The following MAJIN variants were observed in gnomAD, a reference collection of about 807,000 sequenced individuals.
The protein encoded by MAJIN is membrane-anchored junction protein.
Under a neutral mutation model 30.2 loss-of-function variants are expected in MAJIN, and 27 were observed. That is an observed-to-expected ratio of 0.89 (90% confidence interval 0.66 to 1.23). The LOEUF (loss-of-function observed/expected upper bound fraction) is 1.23, where lower values mean the gene tolerates loss of function less well. MAJIN is among the 50% of genes most tolerant of loss of function. MAJIN has a pLI of 0.00. For synonymous variants in MAJIN, 78 were observed against 91.6 expected (o/e 0.85, Z 0.85); for missense variants, 253 against 260.3 (o/e 0.97, Z 0.19).
intron 4 of MAJIN, among the ~76,000 whole-genome samples, chr11:64,952,968 G>A (rs1590698371): frequency 6.6e-6 from 1 of 152,182 alleles, no homozygotes; most frequent in Non-Finnish European, 1.5e-5. Flanking sequence ...GCCTCCCAAA[G>A]TGCTGGGATT....
chr11:64,947,764 T>A, intron 7 of MAJIN, 24 bp downstream of exon 7: 1 of 1,611,176 alleles, frequency 6.2e-7, no homozygotes, highest in Non-Finnish European at 8.5e-7. Flanking sequence ...CAATTTTCAT[T>A]TTGTACAGAA....
At chr11:64,940,211 C>T (rs1213571384) in intron 9 of MAJIN, among the ~76,000 whole-genome samples, 1 of 152,204 alleles carries the variant, frequency 6.6e-6, no homozygotes, top group Admixed American at 6.5e-5. Context: ...ACTCTAATGC[C>T]TCAAAGGGAA....
intron 1 of MAJIN, among the ~76,000 whole-genome samples, chr11:64,961,950 A>C (rs1450328225): frequency 6.6e-6 from 1 of 151,878 alleles, no homozygotes; most frequent in East Asian, 1.9e-4. Flanking sequence ...CACCATGCCC[A>C]GCTAATTTTT....
chr11:64,952,430 C>T (rs1945567832), intron 4 of MAJIN, among the ~76,000 whole-genome samples: 1 of 151,776 alleles, frequency 6.6e-6, no homozygotes, highest in Admixed American at 6.6e-5. Context: ...TCAGGTGATC[C>T]ACCCGCCTTG....
chr11:64,940,247 A>G (rs1205279107), intron 9 of MAJIN, among the ~76,000 whole-genome samples: 1 of 152,196 alleles, frequency 6.6e-6, no homozygotes, highest in Non-Finnish European at 1.5e-5. Flanking sequence ...CAGTACAGAA[A>G]AGGGAAACAC....
At chr11:64,941,447 G>A (rs1266648652) in intron 8 of MAJIN, among the ~76,000 whole-genome samples, 5 of 152,148 alleles carry the variant, frequency 3.3e-5, no homozygotes, top group Non-Finnish European at 7.4e-5. Context: ...TCCGAGGTCA[G>A]CAGTTCGAGA....
At chr11:64,947,511 C>A (rs779073153) in intron 7 of MAJIN, 46 bp from the exon 8 acceptor site, 3 of 1,568,636 alleles carry the variant, frequency 1.9e-6, no homozygotes, top group Non-Finnish European at 2.6e-6. Flanking sequence ...TCCAGAGTTG[C>A]TCACAGTTCA....
intron 8 of MAJIN, among the ~76,000 whole-genome samples, chr11:64,941,839 T>C (rs1467272773): frequency 6.6e-6 from 1 of 152,034 alleles, no homozygotes; most frequent in Non-Finnish European, 1.5e-5. Flanking sequence ...GGTGAGGAGA[T>C]GGTCAGTCAC....
At chr11:64,952,887 T>C (rs779208866) in intron 4 of MAJIN, among the ~76,000 whole-genome samples, 1 of 151,970 alleles carries the variant, frequency 6.6e-6, no homozygotes, top group Non-Finnish European at 1.5e-5. Flanking sequence ...GTATTTTTAG[T>C]AGAGACGGGG....
intron 3 of MAJIN, among the ~76,000 whole-genome samples, chr11:64,956,023 C>T (rs572512183): frequency 3.3e-5 from 5 of 152,000 alleles, no homozygotes; most frequent in Admixed American, 1.3e-4. Flanking sequence ...AAAAAAGGCC[C>T]GGTGCGGTGG....
chr11:64,971,295 C>CA (rs1945898645), intron 1 of MAJIN, among the ~76,000 whole-genome samples: 1 of 151,836 alleles, frequency 6.6e-6, no homozygotes, highest in African/African-American at 2.4e-5. Context: ...GGAGTGGCGG[C>CA]GCATGCCTGT....
intron 9 of MAJIN, among the ~76,000 whole-genome samples, chr11:64,940,123 G>C (rs1945352053): frequency 6.6e-6 from 1 of 152,192 alleles, no homozygotes; most frequent in South Asian, 2.1e-4. Flanking sequence ...CTGGGTAAAA[G>C]ATCAGCAAGT....
chr11:64,949,758 C>A lies in MAJIN; in HGVS notation c.334G>T (p.Glu112Ter). 1.2e-6 allele frequency: 2 copies of A among 1,613,074 alleles called. No homozygotes were observed. Among genetic ancestry groups the A allele is most frequent in the Non-Finnish European group, 1.7e-6 (2 of 1,179,988 alleles). ...TTCCACTTACCAGGTGACAGGTTTT[C>A]ATGGAACCATTTCATCTCCACATAT... ...TLYVEMKWFH[E>*]NLSPGKPISD... Residue 112 changes from glutamate to a stop codon, truncating the protein, a stop_gained, in exon 6 of 11, where the codon GAA becomes TAA. Transcript: ENST00000301896. LOFTEE classifies it high-confidence loss of function.
At chr11:64,947,232 T>C in intron 8 of MAJIN, 142 bp downstream of exon 8, 1 of 555,024 alleles carries the variant, frequency 1.8e-6, no homozygotes. Flanking sequence ...TCCCTTTCCT[T>C]AGTCCACCCA....
At chr11:64,954,951 A>G (rs1247166193) in intron 3 of MAJIN, 149 bp from the exon 4 acceptor site, 1 of 700,124 alleles carries the variant, frequency 1.4e-6, no homozygotes, top group South Asian at 2.0e-5. Context: ...CTCATGGGGA[A>G]GAAGTGATCA....
chr11:64,939,993 T>C lies in MAJIN; in HGVS notation c.547-226A>G, dbSNP rs963709283. 1.9e-5 allele frequency: 8 copies of C among 423,040 alleles called. No homozygotes were observed. The South Asian group carries it at 2.4e-4, about 13-fold the overall frequency. The allele number at this position is 423,040 out of a possible 1,614,324, so 26.2% of individuals were successfully genotyped here. ...CAAGCTCCTGGGATATTTACACAGC[T>C]CAAGTTCCAGCCATGCACTCTGGCT... is the stretch of plus-strand genomic sequence containing the variant. On this transcript the variant is annotated intron_variant, in intron 9 of 10. Coordinates refer to ENST00000301896, the MANE Select transcript of MAJIN (RefSeq NM_001037225.3).
intron 1 of MAJIN, among the ~76,000 whole-genome samples, chr11:64,961,989 G>A (rs1246495818): frequency 6.6e-6 from 1 of 151,946 alleles, no homozygotes; most frequent in African/African-American, 2.4e-5. Context: ...GTCTCACTAT[G>A]TTGCCCAGGC....
At position 64,968,559 on chromosome 11, in the gene MAJIN, G is replaced by A. The variant is rs531791298; in HGVS notation, c.-65+3318C>T. ...TTACAAGCATGAGCCATCAGGCCAG[G>A]CATGGTGGCTCACGCCTGTAATCCC... is the stretch of plus-strand genomic sequence containing the variant. On this transcript the variant is annotated intron_variant, in intron 1 of 10. Coordinates refer to ENST00000301896, the MANE Select transcript of MAJIN (RefSeq NM_001037225.3). Among the ~76,000 whole-genome samples the A allele has an allele frequency of 1.3e-4, 20 of 151,900 alleles. No homozygotes were observed. The South Asian group carries it at 3.7e-3, about 28-fold the overall frequency.
chr11:64,939,745 C>A lies in MAJIN; in HGVS notation c.569G>T (p.Cys190Phe). Residue 190 changes from cysteine to phenylalanine, a missense_variant, in exon 10 of 11, where the codon TGC becomes TTC. Transcript: ENST00000301896. Reference protein sequence around the residue: ...RNKILSGDTACQGELSHPCST... With the variant: ...RNKILSGDTAFQGELSHPCST... ...GCAGGGGTGGGACAATTCGCCCTGG[C>A]AGGCTGTGTCCCCACTCAGAATCTG... 6.2e-7 allele frequency: 1 copy of A among 1,613,918 alleles called. No individual in the cohort carries two copies. The highest frequency in any genetic ancestry group is 8.5e-7 in the Non-Finnish European group (1 of 1,179,888).
Sources: gnomAD v4.1 joint callset for allele counts (sites outside exome capture counted in the v4.1 genomes callset) on GRCh38, gnomAD v4.1.1 for gene constraint, MANE v1.5 for transcripts, NCBI Gene and HGNC (gene_info 2026-07-23, HGNC 2026-07-21) for gene names.